Variants in AFF3 observed in about 807,000 individuals in gnomAD.
The protein encoded by AFF3 is AF4/FMR2 family member 3.
AFF3 carries 32 observed loss-of-function variants against 129.7 expected under a neutral mutation model. That is an observed-to-expected ratio of 0.25 (90% confidence interval 0.19 to 0.33). AFF3 has a LOEUF of 0.33. Among genes scored for constraint, AFF3 ranks in the 10% least tolerant of loss-of-function variants. The pLI is 1.00. For missense variants in AFF3, 1,373 were observed against 1,592.0 expected (o/e 0.86, Z 2.34); for synonymous variants, 644 against 635.4 (o/e 1.01, Z -0.20).
At chr2:99,817,218 G>A (rs992419557) in intron 8 of AFF3, among the ~76,000 whole-genome samples, 1 of 152,194 alleles carries the variant, frequency 6.6e-6, no homozygotes. Flanking sequence ...TGGCAGAGGA[G>A]ACGCCTACAA....
At position 99,605,844 on chromosome 2, in the gene AFF3, G is replaced by C. The variant is rs369348796; in HGVS notation, c.1185-4223C>G. On this transcript the variant is annotated intron_variant, in intron 13 of 24. Transcript: ENST00000672756. ...ACTACAGGCATGTACCACCATACCCGGCTAATTTTTGTATTTTTTTTTTTA... is the reference window on the plus strand; with the variant it reads ...ACTACAGGCATGTACCACCATACCCCGCTAATTTTTGTATTTTTTTTTTTA... 2.1e-4 allele frequency among the ~76,000 whole-genome samples: 31 copies of C among 147,160 alleles called. No homozygotes were observed. The South Asian group carries it at 6.7e-3, about 32-fold the overall frequency.
At chr2:100,091,212 C>T (rs892008596) in intron 4 of AFF3, among the ~76,000 whole-genome samples, 1 of 151,880 alleles carries the variant, frequency 6.6e-6, no homozygotes, top group East Asian at 2.0e-4. Flanking sequence ...TAGAATCCAC[C>T]CTACAGGTAA....
chr2:99,861,870 A>G (rs917974110), intron 7 of AFF3, among the ~76,000 whole-genome samples: 3 of 152,072 alleles, frequency 2.0e-5, no homozygotes, highest in African/African-American at 7.2e-5. Context: ...TAGTTTTACT[A>G]TATATTTGTT....
intron 7 of AFF3, among the ~76,000 whole-genome samples, chr2:99,888,017 A>G (rs190546815): frequency 6.6e-6 from 1 of 152,240 alleles, no homozygotes; most frequent in African/African-American, 2.4e-5. Flanking sequence ...ATTTGTAATC[A>G]AAATCAGCAA....
chr2:100,011,049 T>C (rs900014617), intron 4 of AFF3, among the ~76,000 whole-genome samples: 2 of 152,002 alleles, frequency 1.3e-5, no homozygotes, highest in African/African-American at 4.8e-5. Flanking sequence ...CCGAGATGGG[T>C]GGATCACGAG....
chr2:99,548,362 C>T lies in AFF3; in HGVS notation c.*3112G>A, dbSNP rs1314766563. On this transcript the variant is annotated 3_prime_UTR_variant, in exon 25 of 25. Coordinates refer to ENST00000672756, the MANE Select transcript of AFF3 (RefSeq NM_001386135.1). ...AGGGACAACCAGGGACTTACACTTT[C>T]TACTTTCTACATTTCTGCACTGTTT... 3.5e-5 allele frequency: 7 copies of T among 200,426 alleles called. No individual in the cohort carries two copies. Among genetic ancestry groups the T allele is most frequent in the East Asian group, 3.1e-4 (4 of 12,940 alleles). 12.4% of individuals were successfully genotyped at this position (200,426 alleles called of 1,614,324 possible).
intron 9 of AFF3, among the ~76,000 whole-genome samples, chr2:99,750,666 C>T (rs980375822): frequency 6.6e-6 from 1 of 152,132 alleles, no homozygotes; most frequent in African/African-American, 2.4e-5. Flanking sequence ...ATCCTCCTGC[C>T]TTGGCCTCCC....
At chr2:99,672,268 T>G (rs1407464917) in intron 12 of AFF3, among the ~76,000 whole-genome samples, 2 of 151,894 alleles carry the variant, frequency 1.3e-5, no homozygotes, top group African/African-American at 4.8e-5. Context: ...AGGCTCTGTC[T>G]ACTTCTGAGG....
chr2:99,637,702 AT>A (rs1323208497), intron 13 of AFF3, among the ~76,000 whole-genome samples: 4 of 152,332 alleles, frequency 2.6e-5, no homozygotes, highest in African/African-American at 9.6e-5. Context: ...TCAGAAATAG[AT>A]ATTTTAAAAA....
chr2:99,593,776 G>T lies in AFF3; in HGVS notation c.1885C>A (p.Pro629Thr), dbSNP rs770751798. The change falls in exon 15 of 25, where the codon CCC (proline) becomes ACC (threonine). Residue 629 changes from proline to threonine, a missense_variant. By Grantham distance (38) the Pro-to-Thr change is conservative. Coordinates refer to ENST00000672756, the MANE Select transcript of AFF3 (RefSeq NM_001386135.1). ...TGGCTCGCTCTGTTGTTGCCACAGG[G>T]CCTGGTTTTGGTGGGCTCCGGGGGG... ...VVPPEPTKTR[P>T]CGNNRASHRK... 6.2e-7 allele frequency: 1 copy of T among 1,612,430 alleles called. No homozygotes were observed. Among genetic ancestry groups the T allele is most frequent in the Admixed American group, 1.7e-5 (1 of 60,012 alleles).
At chr2:99,573,084 T>C (rs1676656380) in intron 18 of AFF3, among the ~76,000 whole-genome samples, 1 of 152,174 alleles carries the variant, frequency 6.6e-6, no homozygotes, top group Non-Finnish European at 1.5e-5. Context: ...AAAGTAACTT[T>C]CTGTTGAAAT....
rs547297661 is a variant in AFF3, at chr2:99,626,337, CCT to C, written c.1184+23287_1184+23288del. 4.9e-3 allele frequency among the ~76,000 whole-genome samples: 714 copies of C among 144,386 alleles called. 4 individuals carry two copies. Among genetic ancestry groups the C allele is most frequent in the Admixed American group, 8.1e-3 (118 of 14,548 alleles). 94.7% of individuals were successfully genotyped at this position (144,386 alleles called of 152,430 possible). A position where few individuals can be genotyped will look rare whatever the true frequency, so the allele number is the denominator to read the frequency against. On this transcript the variant is annotated intron_variant, in intron 13 of 24. Transcript: ENST00000672756. Reference sequence around the variant, plus strand: ...CCCTCCCTTCCTTCCTTCCTTCCCTCCTCTCTCTTTCCTTCCTTCCTTCCTCT... The same window carrying C: ...CCCTCCCTTCCTTCCTTCCTTCCCTCCTCTCTTTCCTTCCTTCCTTCCTCT...
intron 4 of AFF3, among the ~76,000 whole-genome samples, chr2:100,009,915 T>C (rs1682357991): frequency 6.6e-6 from 1 of 152,260 alleles, no homozygotes; most frequent in Non-Finnish European, 1.5e-5. Flanking sequence ...TGTCCTCCTT[T>C]CCCAGCAGAA....
chr2:99,608,730 C>T (rs1354333876), intron 13 of AFF3, among the ~76,000 whole-genome samples: 1 of 152,100 alleles, frequency 6.6e-6, no homozygotes, highest in African/African-American at 2.4e-5. Flanking sequence ...TCATTATTAC[C>T]AAATCTTTTG....
At position 99,785,634 on chromosome 2, in the gene AFF3, C is replaced by T. The variant is rs578094130; in HGVS notation, c.922-33333G>A. 5.3e-5 allele frequency among the ~76,000 whole-genome samples: 8 copies of T among 152,350 alleles called. No homozygotes were observed. In the South Asian group the frequency reaches 1.0e-3, roughly 20 times the overall value. ...CTGTTGTAGATAACAGGCTTTTCTG[C>T]TGTCTCCTTCCAGTGAATATGTGGA... On this transcript the variant is annotated intron_variant, in intron 8 of 24. Transcript: ENST00000672756.
intron 4 of AFF3, among the ~76,000 whole-genome samples, chr2:100,017,027 ATGGTGGTGGTGATGATGACGATGC>A: frequency 6.7e-6 from 1 of 149,422 alleles, no homozygotes; most frequent in African/African-American, 2.5e-5. Context: ...GACAGTAGTG[ATGGTGGTGGTGATGATGACGATGC>A]TGGTGGTGGT....
At chr2:99,963,451 A>G (rs1003341587) in intron 7 of AFF3, among the ~76,000 whole-genome samples, 3 of 152,150 alleles carry the variant, frequency 2.0e-5, no homozygotes, top group Non-Finnish European at 4.4e-5. Flanking sequence ...AATTACATTT[A>G]AAGAGAGGAA....
At chr2:99,959,065 CCA>C (rs1440441997) in intron 7 of AFF3, among the ~76,000 whole-genome samples, 1 of 151,932 alleles carries the variant, frequency 6.6e-6, no homozygotes, top group African/African-American at 2.4e-5. Flanking sequence ...CCACTGCACT[CCA>C]GTCTCGGCGA....
At chr2:99,932,758 T>C (rs559787063) in intron 7 of AFF3, among the ~76,000 whole-genome samples, 6 of 152,284 alleles carry the variant, frequency 3.9e-5, no homozygotes, top group African/African-American at 1.4e-4. Flanking sequence ...TTTACACTCT[T>C]AGGATAAGAA....
Sources: gnomAD v4.1 joint callset for allele counts (sites outside exome capture counted in the v4.1 genomes callset) on GRCh38, gnomAD v4.1.1 for gene constraint, MANE v1.5 for transcripts, NCBI Gene and HGNC (gene_info 2026-07-23, HGNC 2026-07-21) for gene names.